The following TMCO5A variants were observed in gnomAD, a reference collection of about 807,000 sequenced individuals.
TMCO5A encodes transmembrane and coiled-coil domains 5A.
A neutral mutation model predicts 42.3 loss-of-function variants in TMCO5A; 34 were observed. The ratio of observed to expected loss-of-function variants is 0.80; its 90% confidence interval spans 0.61 to 1.07. The LOEUF is 1.07. TMCO5A is among the 50% of genes least tolerant of loss of function. The pLI is 0.00. For synonymous variants in TMCO5A, 131 were observed against 115.6 expected (o/e 1.13, Z -0.86); for missense variants, 357 against 327.9 (o/e 1.09, Z -0.69).
At chr15:37,997,392 T>A in the TMCO5A span, among the ~76,000 whole-genome samples, 1 of 152,214 alleles carries the variant, frequency 6.6e-6, no homozygotes, top group Non-Finnish European at 1.5e-5. Context: ...GGGCTTCTCT[T>A]TAAAAAGTAA....
the TMCO5A span, chr15:37,994,731 G>A: frequency 1.3e-5 from 2 of 152,190 alleles, no homozygotes; most frequent in African/African-American, 4.8e-5. Context: ...CAGCCACAAG[G>A]AGGTCTTTCA....
chr15:38,014,462 A>G, the TMCO5A span, among the ~76,000 whole-genome samples: 2 of 152,116 alleles, frequency 1.3e-5, no homozygotes, highest in Non-Finnish European at 2.9e-5. Context: ...TTTCTTCAAA[A>G]ATAAAATAGA....
chr15:37,947,807 CAT>C, intron 11 of TMCO5A, 111 bp downstream of exon 11: 2 of 643,322 alleles, frequency 3.1e-6, no homozygotes, highest in Admixed American at 5.8e-5. Context: ...CGTGTGCACA[CAT>C]ACACACACAC....
At chr15:37,986,504 A>G in the TMCO5A span, among the ~76,000 whole-genome samples, 1 of 151,788 alleles carries the variant, frequency 6.6e-6, no homozygotes, top group East Asian at 1.9e-4. Context: ...ACAGTTCAGC[A>G]GCATTAAGTA....
At chr15:38,014,104 A>G in the TMCO5A span, among the ~76,000 whole-genome samples, 5 of 152,196 alleles carry the variant, frequency 3.3e-5, no homozygotes, top group Non-Finnish European at 7.3e-5. Flanking sequence ...AGGATCATCT[A>G]GAATAATTCC....
the TMCO5A span, chr15:37,994,729 A>G: frequency 6.6e-6 from 1 of 152,342 alleles, no homozygotes; most frequent in East Asian, 1.9e-4. Flanking sequence ...TTCAGCCACA[A>G]GGAGGTCTTT....
the TMCO5A span, among the ~76,000 whole-genome samples, chr15:37,992,236 T>G: frequency 2.0e-5 from 3 of 152,014 alleles, no homozygotes; most frequent in African/African-American, 7.2e-5. Flanking sequence ...GGCCAACAAG[T>G]GTATTTTTTA....
the TMCO5A span, among the ~76,000 whole-genome samples, chr15:37,988,783 T>G: frequency 6.6e-6 from 1 of 152,056 alleles, no homozygotes; most frequent in Admixed American, 6.6e-5. Flanking sequence ...TCAATGTTCA[T>G]AAGGGATATT....
chr15:38,001,609 T>C, the TMCO5A span, among the ~76,000 whole-genome samples: 3 of 151,944 alleles, frequency 2.0e-5, no homozygotes, highest in Non-Finnish European at 4.4e-5. Context: ...TCCTTTAGTG[T>C]AGGTGATTTT....
chr15:37,971,836 G>A (rs922418803), downstream of TMCO5A, among the ~76,000 whole-genome samples: 6 of 152,094 alleles, frequency 3.9e-5, no homozygotes, highest in East Asian at 1.9e-4. Flanking sequence ...ATCTGAGACC[G>A]CCTCAGCCTG....
intron 5 of TMCO5A, among the ~76,000 whole-genome samples, chr15:37,937,848 A>G (rs1308630322): frequency 6.6e-6 from 1 of 152,072 alleles, no homozygotes; most frequent in African/African-American, 2.4e-5. Flanking sequence ...TCCAATGACT[A>G]CCCTACTCTC....
the TMCO5A span, among the ~76,000 whole-genome samples, chr15:37,995,306 A>T: frequency 6.6e-6 from 1 of 152,252 alleles, no homozygotes; most frequent in African/African-American, 2.4e-5. Context: ...CCACAAGTCA[A>T]CAGAGCTTCT....
downstream of TMCO5A, among the ~76,000 whole-genome samples, chr15:37,969,550 C>G (rs1031534599): frequency 2.0e-4 from 30 of 152,094 alleles, no homozygotes; most frequent in Admixed American, 7.2e-4. Context: ...TTGTGTATAA[C>G]TTTTTATAAA....
downstream of TMCO5A, among the ~76,000 whole-genome samples, chr15:37,971,358 G>T (rs1188060140): frequency 1.3e-5 from 2 of 152,166 alleles, no homozygotes; most frequent in Admixed American, 1.3e-4. Flanking sequence ...CAAGTCCCCA[G>T]ACTGCACATA....
At chr15:38,006,843 A>G in the TMCO5A span, among the ~76,000 whole-genome samples, 1 of 151,166 alleles carries the variant, frequency 6.6e-6, no homozygotes, top group East Asian at 1.9e-4. Flanking sequence ...TAATATTTAT[A>G]TTATTTTAAT....
chr15:37,955,122 C>G (rs1890252961), downstream of TMCO5A, among the ~76,000 whole-genome samples: 1 of 151,788 alleles, frequency 6.6e-6, no homozygotes, highest in Non-Finnish European at 1.5e-5. Context: ...TGTAAGTGGA[C>G]TAAACTCTCC....
At chr15:37,961,122 A>G (rs1890415532) in intron 11 of TMCO5A, among the ~76,000 whole-genome samples, 1 of 152,094 alleles carries the variant, frequency 6.6e-6, no homozygotes, top group Non-Finnish European at 1.5e-5. Context: ...GCCTAAGCCA[A>G]TGCCTAAAAG....
chr15:37,974,326 G>T, the TMCO5A span, among the ~76,000 whole-genome samples: 1 of 152,122 alleles, frequency 6.6e-6, no homozygotes, highest in Non-Finnish European at 1.5e-5. Flanking sequence ...GTTTCAATAG[G>T]AATGGTACCA....
At chr15:38,009,590 ATATAT>A in the TMCO5A span, among the ~76,000 whole-genome samples, 2 of 152,206 alleles carry the variant, frequency 1.3e-5, no homozygotes, top group Non-Finnish European at 2.9e-5. Context: ...AACTCACCAA[ATATAT>A]TATATCCAGG....
Sources: gnomAD v4.1 joint callset for allele counts (sites outside exome capture counted in the v4.1 genomes callset) on GRCh38, gnomAD v4.1.1 for gene constraint, MANE v1.5 for transcripts, NCBI Gene and HGNC (gene_info 2026-07-23, HGNC 2026-07-21) for gene names.